Variants in NELL1 observed in about 807,000 individuals in gnomAD.
NELL1 encodes protein kinase C-binding protein NELL1.
Under a neutral mutation model 107.4 loss-of-function variants are expected in NELL1, and 76 were observed. The observed-to-expected ratio is 0.71, with a 90% CI of 0.59 to 0.86. The LOEUF (loss-of-function observed/expected upper bound fraction) is 0.86, where lower values mean the gene tolerates loss of function less well. Ranked by LOEUF, NELL1 falls within the 40% of genes least tolerant of loss-of-function variation. The pLI, the probability that NELL1 is intolerant of heterozygous loss-of-function variation, is 0.00. For missense variants in NELL1, 1,024 were observed against 1,005.5 expected (o/e 1.02, Z -0.25); for synonymous variants, 353 against 341.2 (o/e 1.03, Z -0.38).
chr11:21,555,855 G>T (rs1416609743), intron 16 of NELL1, among the ~76,000 whole-genome samples: 1 of 151,828 alleles, frequency 6.6e-6, no homozygotes, highest in African/African-American at 2.4e-5. Context: ...TGTTCTAACT[G>T]TGTCAACCTC....
chr11:21,143,281 ATTC>A (rs1195325536), intron 13 of NELL1, among the ~76,000 whole-genome samples: 7 of 152,204 alleles, frequency 4.6e-5, no homozygotes, highest in African/African-American at 1.2e-4. Flanking sequence ...TTGCAGGAGA[ATTC>A]TTCTTAGGAA....
chr11:20,707,601 A>C (rs1387052909), intron 2 of NELL1, among the ~76,000 whole-genome samples: 1 of 152,204 alleles, frequency 6.6e-6, no homozygotes, highest in African/African-American at 2.4e-5. Flanking sequence ...CAGGACCCTC[A>C]GCTGCAGGTC....
intron 14 of NELL1, among the ~76,000 whole-genome samples, chr11:21,370,101 C>G (rs967050571): frequency 6.6e-6 from 1 of 151,908 alleles, no homozygotes; most frequent in African/African-American, 2.4e-5. Context: ...GTTCATGGAG[C>G]TATTTTATGC....
intron 2 of NELL1, among the ~76,000 whole-genome samples, chr11:20,741,203 A>C (rs1855882274): frequency 6.6e-6 from 1 of 151,042 alleles, no homozygotes. Context: ...TTCTGTGCAC[A>C]TGTGAATTCC....
chr11:20,762,157 T>C (rs1395258873), intron 2 of NELL1, among the ~76,000 whole-genome samples: 1 of 152,210 alleles, frequency 6.6e-6, no homozygotes, highest in East Asian at 1.9e-4. Flanking sequence ...CTTTGGTTTT[T>C]TATTTGTTCC....
At chr11:21,104,092 A>G (rs1854888960) in intron 12 of NELL1, among the ~76,000 whole-genome samples, 1 of 152,184 alleles carries the variant, frequency 6.6e-6, no homozygotes, top group South Asian at 2.1e-4. Flanking sequence ...GTGTTCTTTG[A>G]TAAGCCCAAT....
intron 13 of NELL1, among the ~76,000 whole-genome samples, chr11:21,114,985 C>T (rs966671994): frequency 1.3e-5 from 2 of 151,892 alleles, no homozygotes; most frequent in African/African-American, 2.4e-5. Flanking sequence ...CCCAAGAGCA[C>T]CATATTATGC....
At chr11:21,292,316 C>T (rs565844941) in intron 14 of NELL1, among the ~76,000 whole-genome samples, 12 of 152,250 alleles carry the variant, frequency 7.9e-5, no homozygotes, top group African/African-American at 2.6e-4. Context: ...CATGAGTCAA[C>T]TCCTATTCAC....
At chr11:21,359,420 G>A (rs1851020768) in intron 14 of NELL1, among the ~76,000 whole-genome samples, 1 of 152,146 alleles carries the variant, frequency 6.6e-6, no homozygotes, top group Admixed American at 6.5e-5. Flanking sequence ...TTTTATTGAA[G>A]ATGTATGCAT....
chr11:20,975,294 G>T (rs931250249), intron 12 of NELL1, among the ~76,000 whole-genome samples: 2 of 151,858 alleles, frequency 1.3e-5, no homozygotes, highest in African/African-American at 4.8e-5. Flanking sequence ...GGGATTGCAG[G>T]CATGAACCAC....
chr11:21,179,044 G>A lies in NELL1; in HGVS notation c.1427-50288G>A, dbSNP rs966427151. Among the ~76,000 whole-genome samples the A allele has an allele frequency of 1.3e-4, 20 of 151,778 alleles. 2 individuals carry two copies. Among genetic ancestry groups the A allele is most frequent in the African/African-American group, 3.9e-4 (16 of 41,144 alleles). The stretch of plus-strand genomic sequence containing the variant: ...TTAAAAAACTTTTTCGAATGACCTC[G>A]GTTCTTCCAAACTGGCAACTACTGA... On this transcript the variant is annotated intron_variant, in intron 13 of 19. Coordinates refer to ENST00000357134, the MANE Select transcript of NELL1 (RefSeq NM_006157.5).
chr11:20,872,671 GGTGTGTGTGTGTGTGTGTGT>G (rs61184129), intron 4 of NELL1, among the ~76,000 whole-genome samples: 1 of 137,094 alleles, frequency 7.3e-6, no homozygotes, highest in Non-Finnish European at 1.6e-5. Context: ...CAGTGTTTGA[GGTGTGTGTGTGTGTGTGTGT>G]GTGTGTGTGT....
chr11:20,770,142 A>T (rs554692476), intron 2 of NELL1, among the ~76,000 whole-genome samples: 32 of 152,300 alleles, frequency 2.1e-4, no homozygotes, highest in African/African-American at 7.7e-4. Flanking sequence ...GCTTCAGTAA[A>T]TGAGGATTAT....
intron 15 of NELL1, among the ~76,000 whole-genome samples, chr11:21,521,731 T>C (rs745912996): frequency 1.4e-4 from 22 of 152,202 alleles, no homozygotes; most frequent in Non-Finnish European, 2.6e-4. Flanking sequence ...ATCAACAGTG[T>C]ATAAGTGTTC....
At chr11:20,997,891 G>C (rs943257943) in intron 12 of NELL1, among the ~76,000 whole-genome samples, 1 of 152,096 alleles carries the variant, frequency 6.6e-6, no homozygotes, top group Non-Finnish European at 1.5e-5. Flanking sequence ...AGAATCACTT[G>C]AGCCCAGGAG....
intron 2 of NELL1, among the ~76,000 whole-genome samples, chr11:20,696,853 T>A (rs955671928): frequency 6.6e-5 from 10 of 152,118 alleles, no homozygotes; most frequent in Admixed American, 5.9e-4. Flanking sequence ...GGAGAGGATT[T>A]ACAGACAGAA....
intron 12 of NELL1, among the ~76,000 whole-genome samples, chr11:21,108,122 G>T (rs1216566993): frequency 6.6e-6 from 1 of 152,136 alleles, no homozygotes; most frequent in Admixed American, 6.5e-5. Context: ...ATGTACACAG[G>T]GAGTGGGGAA....
chr11:21,238,576 G>GA (rs1452125803), intron 14 of NELL1, among the ~76,000 whole-genome samples: 15 of 152,030 alleles, frequency 9.9e-5, no homozygotes, highest in Admixed American at 9.9e-4. Context: ...CTTCAAAGGA[G>GA]AAAGGGGCTT....
chr11:20,884,471 T>C (rs1178450591), intron 4 of NELL1, among the ~76,000 whole-genome samples: 1 of 152,130 alleles, frequency 6.6e-6, no homozygotes, highest in Admixed American at 6.5e-5. Context: ...CTGTGTTTCA[T>C]CCCACCCAGA....
Sources: gnomAD v4.1 joint callset for allele counts (sites outside exome capture counted in the v4.1 genomes callset) on GRCh38, gnomAD v4.1.1 for gene constraint, MANE v1.5 for transcripts, NCBI Gene and HGNC (gene_info 2026-07-23, HGNC 2026-07-21) for gene names.